GABBR2: variants seen among roughly 807,000 people sequenced by gnomAD.
The protein encoded by GABBR2 is gamma-aminobutyric acid type B receptor subunit 2.
A neutral mutation model predicts 105.6 loss-of-function variants in GABBR2; 23 were observed. The ratio of observed to expected loss-of-function variants is 0.22; its 90% CI spans 0.16 to 0.31. The LOEUF is 0.31. GABBR2 is among the 10% of genes least tolerant of loss of function. GABBR2 has a pLI of 1.00. For missense variants in GABBR2, 734 were observed against 1,245.5 expected (o/e 0.59, Z 6.18); for synonymous variants, 478 against 499.7 (o/e 0.96, Z 0.58).
At chr9:98,517,428 G>A (rs1344849299) in intron 3 of GABBR2, among the ~76,000 whole-genome samples, 3 of 152,152 alleles carry the variant, frequency 2.0e-5, no homozygotes, top group Admixed American at 6.5e-5. Context: ...ACCCACATAT[G>A]TGTCAGCTTG....
chr9:98,696,618 TGTAACAAACCCAGAGCCTGGCACCAA>T (rs1564154269), intron 1 of GABBR2, among the ~76,000 whole-genome samples: 1 of 152,184 alleles, frequency 6.6e-6, no homozygotes, highest in African/African-American at 2.4e-5. Context: ...CCCTACACTG[TGTAACAAACCCAGAGCCTGGCACCAA>T]GTAGGTGCTT....
chr9:98,622,305 T>C (rs1829680256), intron 1 of GABBR2, among the ~76,000 whole-genome samples: 1 of 152,042 alleles, frequency 6.6e-6, no homozygotes, highest in African/African-American at 2.4e-5. Context: ...GCTGGGACTA[T>C]AGGCGCACAT....
At chr9:98,692,377 G>A (rs1011266801) in intron 1 of GABBR2, among the ~76,000 whole-genome samples, 1 of 152,180 alleles carries the variant, frequency 6.6e-6, no homozygotes, top group Non-Finnish European at 1.5e-5. Context: ...CACTCTGAGC[G>A]CCTCCCTGGG....
At chr9:98,700,184 T>C (rs1259242497) in intron 1 of GABBR2, among the ~76,000 whole-genome samples, 1 of 152,192 alleles carries the variant, frequency 6.6e-6, no homozygotes, top group Admixed American at 6.5e-5. Flanking sequence ...CATCCAGCTC[T>C]GTATCCCAGA....
At chr9:98,691,451 T>C (rs1277855901) in intron 1 of GABBR2, among the ~76,000 whole-genome samples, 1 of 152,228 alleles carries the variant, frequency 6.6e-6, no homozygotes, top group Non-Finnish European at 1.5e-5. Context: ...GCAATGTCCC[T>C]GGAGGTGACC....
chr9:98,576,003 C>T (rs1424445847), intron 2 of GABBR2, among the ~76,000 whole-genome samples: 1 of 152,216 alleles, frequency 6.6e-6, no homozygotes, highest in Non-Finnish European at 1.5e-5. Context: ...CCTACCATAG[C>T]ACCTGCCCTG....
At chr9:98,304,836 T>G (rs1258312038) in intron 15 of GABBR2, among the ~76,000 whole-genome samples, 4 of 101,112 alleles carry the variant, frequency 4.0e-5, no homozygotes, top group African/African-American at 8.1e-5. Flanking sequence ...AATGGCGCAA[T>G]CTTAGCTCAC....
chr9:98,691,368 T>C lies in GABBR2; in HGVS notation c.321+17049A>G, dbSNP rs547722998. On this transcript the variant is annotated intron_variant, in intron 1 of 18. Coordinates refer to ENST00000259455, the MANE Select transcript of GABBR2 (RefSeq NM_005458.8). ...GATGAGTTACAGGGCTTGTCACCCC[T>C]AGGAAGTGACAAAGCCAGGGTTTAA... Among the ~76,000 whole-genome samples, 14 of 152,264 alleles carry C rather than the reference T, an allele frequency of 9.2e-5. No individual in the cohort carries two copies. In the South Asian group the frequency reaches 2.9e-3, roughly 32 times the overall value.
At chr9:98,447,537 ATGTGTGTGTGTGTGTGTG>A (rs58069151) in intron 7 of GABBR2, among the ~76,000 whole-genome samples, 3 of 142,402 alleles carry the variant, frequency 2.1e-5, no homozygotes, top group East Asian at 2.1e-4. Flanking sequence ...ACTAGTATGT[ATGTGTGTGTGTGTGTGTG>A]TGTGTGTGTG....
At chr9:98,583,097 G>T (rs1430402116) in intron 1 of GABBR2, among the ~76,000 whole-genome samples, 1 of 152,216 alleles carries the variant, frequency 6.6e-6, no homozygotes, top group African/African-American at 2.4e-5. Context: ...CTCCAGATCA[G>T]AGCTCTTGGC....
Position 98,385,772 on chromosome 9 carries a change from C to G in GABBR2, c.1530G>C (p.Lys510Asn). 6.2e-7 allele frequency: 1 copy of G among 1,608,332 alleles called. No individual in the cohort carries two copies. The highest frequency in any genetic ancestry group is 8.5e-7 in the Non-Finnish European group (1 of 1,174,978). Reference protein sequence around the residue: ...LFFNIKNRNQKLIKMSSPYMN... With the variant: ...LFFNIKNRNQNLIKMSSPYMN... Reference sequence around the variant, plus strand: ...TGTATGGACTCGACATCTTTATGAGCCTGACAAGAGAAAGAGACAATAGAT... The same window carrying G: ...TGTATGGACTCGACATCTTTATGAGGCTGACAAGAGAAAGAGACAATAGAT... Residue 510 changes from lysine (K) to asparagine (N), a missense_variant and splice_region_variant, in exon 11 of 19, where the codon AAG becomes AAC. Transcript: ENST00000259455.
chr9:98,656,557 G>C (rs1411132586), intron 1 of GABBR2, among the ~76,000 whole-genome samples: 1 of 152,114 alleles, frequency 6.6e-6, no homozygotes, highest in Non-Finnish European at 1.5e-5. Context: ...ATCTTACCAG[G>C]TTTACGTACA....
At chr9:98,607,903 T>C in intron 1 of GABBR2, 1 of 1,437,568 alleles carries the variant, frequency 7.0e-7, no homozygotes, top group Non-Finnish European at 9.6e-7. Flanking sequence ...GGAGCAGGTG[T>C]TTGAGATGAA....
At chr9:98,535,013 C>T (rs954310290) in intron 3 of GABBR2, among the ~76,000 whole-genome samples, 3 of 152,174 alleles carry the variant, frequency 2.0e-5, no homozygotes, top group Admixed American at 1.3e-4. Context: ...AACTGTGGTA[C>T]ATCCTGACAA....
At chr9:98,493,356 C>A (rs753034604) in intron 4 of GABBR2, among the ~76,000 whole-genome samples, 5 of 152,166 alleles carry the variant, frequency 3.3e-5, no homozygotes, top group Non-Finnish European at 7.3e-5. Flanking sequence ...TGTTAGGAAC[C>A]AAAATCTGGG....
At chr9:98,341,462 C>G (rs1258377245) in intron 13 of GABBR2, among the ~76,000 whole-genome samples, 1 of 152,194 alleles carries the variant, frequency 6.6e-6, no homozygotes. Context: ...ACATTAAAAG[C>G]CTAAATACAA....
At chr9:98,482,407 CT>C (rs1253637446) in intron 4 of GABBR2, among the ~76,000 whole-genome samples, 3 of 152,182 alleles carry the variant, frequency 2.0e-5, no homozygotes, top group Non-Finnish European at 4.4e-5. Flanking sequence ...GAAGGCAAGC[CT>C]TTGTCATCAC....
rs1258099672 is a variant in GABBR2, at chr9:98,548,227, G to A, written c.460-6184C>T. ...CTGGGCTTATCAAGAGACACATGTG[G>A]ACGGCACTTGGCCCTGTTTTCTATT... On this transcript the variant is annotated intron_variant, in intron 2 of 18. Transcript: ENST00000259455. Among the ~76,000 whole-genome samples the A allele has an allele frequency of 1.7e-5, 2 of 121,172 alleles. 1 individual carries two copies. The highest frequency in any genetic ancestry group is 5.3e-5 in the African/African-American group (2 of 37,796). 79.5% of individuals were successfully genotyped at this position (121,172 alleles called of 152,430 possible).
chr9:98,354,998 T>C (rs1831460917), intron 13 of GABBR2, among the ~76,000 whole-genome samples: 1 of 152,206 alleles, frequency 6.6e-6, no homozygotes, highest in African/African-American at 2.4e-5. Flanking sequence ...TGTGTGACTC[T>C]TTCTCTTACT....
Sources: allele counts gnomAD v4.1 joint callset (sites outside exome capture counted in the v4.1 genomes callset), GRCh38; gene constraint gnomAD v4.1.1; transcripts MANE v1.5; gene names NCBI Gene and HGNC (gene_info 2026-07-23, HGNC 2026-07-21).